Variants in KIF22 observed in about 807,000 individuals in gnomAD.
KIF22 encodes the protein kinesin family member 22, also known as kinesin-like protein KIF22.
In KIF22, 62 loss-of-function variants were observed where a neutral mutation model predicts 73.0. The observed-to-expected ratio is 0.85, with a 90% confidence interval of 0.69 to 1.05. The LOEUF (loss-of-function observed/expected upper bound fraction) is 1.05, where lower values mean the gene tolerates loss of function less well. Among genes scored for constraint, KIF22 ranks in the 50% least tolerant of loss-of-function variants. KIF22 has a pLI of 0.00. For missense variants in KIF22, 854 were observed against 870.1 expected (o/e 0.98, Z 0.23); for synonymous variants, 411 against 340.1 (o/e 1.21, Z -2.29).
rs143943794 is a variant in KIF22 at position 29,803,595 on chromosome 16, G to A, written c.1596G>A (p.Met532Ile). The change falls in exon 10 of 14, where the codon ATG (methionine) becomes ATA (isoleucine). Residue 532 changes from methionine to isoleucine, a missense_variant. Physicochemically the swap from Met to Ile is conservative, Grantham distance 10. Around this residue, in one of 3 missense-constraint regions of KIF22, gnomAD observed 423 missense variants for 365.4 expected, o/e 1.16. Coordinates refer to ENST00000160827, the MANE Select transcript of KIF22 (RefSeq NM_007317.3). ...AGCCCCTGAAAAAGGCTGTGGTGAT[G>A]CCCCTACAGCTAAGTAAGTTTGACT... ...GAKPLKKAVVMPLQLIQEQAA... is the reference protein window; with the variant it reads ...GAKPLKKAVVIPLQLIQEQAA... The A allele has an allele frequency of 4.4e-6, 7 of 1,608,014 alleles. No homozygotes were observed. The African/African-American group carries it at 9.4e-5, about 22-fold the overall frequency.
At chr16:29,803,038 A>C in intron 9 of KIF22, 101 bp downstream of exon 9, 1 of 1,202,050 alleles carries the variant, frequency 8.3e-7, no homozygotes, top group Non-Finnish European at 1.2e-6. Flanking sequence ...ACTAGAGTCC[A>C]GTTTTCTCCC....
chr16:29,794,196 A>G (rs1315192166), intron 1 of KIF22, among the ~76,000 whole-genome samples: 3 of 152,176 alleles, frequency 2.0e-5, no homozygotes, highest in African/African-American at 7.2e-5. Context: ...TTGGAGTTAG[A>G]TCTTCATTTG....
Position 29,799,906 on chromosome 16 carries a change from C to T in KIF22, c.1145-7C>T, listed in dbSNP as rs1169232033. ...CCCTCTCTCCACCCCATCCTCCAAT[C>T]ATCTAGCCTTGGGACCTGTTAAGCT... On this transcript the variant is annotated splice_polypyrimidine_tract_variant and splice_region_variant and intron_variant, in intron 7 of 13. Transcript: ENST00000160827. 9 of 1,613,756 alleles carry T rather than the reference C, an allele frequency of 5.6e-6. No homozygotes were observed. Among genetic ancestry groups the T allele is most frequent in the Admixed American group, 1.7e-5 (1 of 59,984 alleles).
In KIF22 at chr16:29,805,246, T is replaced by G; in HGVS notation, c.1951-17T>G. ...CCCCTCTCTAACGTCGCTGTCTCCC[T>G]CCCTCCTGTGTTGCAGGCAAACATC... On this transcript the variant is annotated splice_polypyrimidine_tract_variant and intron_variant, in intron 13 of 13. Transcript: ENST00000160827. 2 of 1,613,890 alleles carry G rather than the reference T, an allele frequency of 1.2e-6. No homozygotes were observed. The highest frequency in any genetic ancestry group is 1.7e-6 in the Non-Finnish European group (2 of 1,180,018).
rs764389481 is a variant in KIF22, at chr16:29,798,484, A to G, written c.377A>G (p.Tyr126Cys). The change falls in exon 3 of 14, where the codon TAT becomes TGT. Residue 126 changes from tyrosine to cysteine, a missense_variant. Tyr to Cys is a radical substitution (Grantham distance 194, BLOSUM62 -2). Transcript: ENST00000160827. The surrounding 1 kb of genome is among the most constrained non-coding windows in gnomAD (Gnocchi z 4.1). ...GGGCAGAATGCCAGTGTGCTTGCCT[A>G]TGGACCCACAGGAGCTGGTGAGGGA... Reference protein sequence around the residue: ...LEGQNASVLAYGPTGAGKTHT... With the variant: ...LEGQNASVLACGPTGAGKTHT... 11 of 1,614,050 alleles carry G rather than the reference A, an allele frequency of 6.8e-6. No homozygotes were observed. Among genetic ancestry groups the G allele is most frequent in the Admixed American group, 1.7e-5 (1 of 60,010 alleles).
Position 29,797,182 on chromosome 16 carries a change from CCTT to C in KIF22, c.266+95_266+97del. On this transcript the variant is annotated intron_variant, in intron 2 of 13. Transcript: ENST00000160827. The surrounding 1 kb of genome is among the most constrained non-coding windows in gnomAD (Gnocchi z 4.1). The stretch of plus-strand genomic sequence containing the variant: ...TGCCTCCCCAGGATCCTTGCTCCCT[CCTT>C]AGCACCGCTTTGTTCCCTGAGCCTT... The C allele has an allele frequency of 1.1e-6, 1 of 917,448 alleles. No individual in the cohort carries two copies. The highest frequency in any genetic ancestry group is 1.7e-6 in the Non-Finnish European group (1 of 604,530). The allele number at this position is 917,448 out of a possible 1,614,324, so 56.8% of individuals were successfully genotyped here.
At position 29,798,286 on chromosome 16, in the gene KIF22, T is replaced by TG; in HGVS notation, c.267-88_267-87insG. 6.7e-7 allele frequency: 1 copy of TG among 1,485,600 alleles called. No homozygotes were observed. The highest frequency in any genetic ancestry group is 9.1e-7 in the Non-Finnish European group (1 of 1,104,264). The allele number at this position is 1,485,600 out of a possible 1,614,324, so 92.0% of individuals were successfully genotyped here. The stretch of plus-strand genomic sequence containing the variant: ...AGGTCCAGATGAGAGTAGAATCCCT[T>TG]ACCCACCCCCACCCCACTCCACCCC... On this transcript the variant is annotated intron_variant, in intron 2 of 13. Coordinates refer to ENST00000160827, the MANE Select transcript of KIF22 (RefSeq NM_007317.3). The surrounding 1 kb of genome is among the most constrained non-coding windows in gnomAD (Gnocchi z 4.1).
intron 1 of KIF22, among the ~76,000 whole-genome samples, chr16:29,793,845 A>C (rs1036129149): frequency 6.6e-6 from 1 of 152,158 alleles, no homozygotes; most frequent in Non-Finnish European, 1.5e-5. Flanking sequence ...TAAGACAACC[A>C]GGAAGGTGGG....
In KIF22 at chr16:29,805,351, C is replaced by G; in HGVS notation, c.*41C>G. On this transcript the variant is annotated 3_prime_UTR_variant, in exon 14 of 14. Transcript: ENST00000160827. ...TCCGCCTTTTCAAATTTTTGTATAA[C>G]CCCGTGTTGTGTAAATACAGTTTTT... The G allele has an allele frequency of 1.3e-6, 2 of 1,594,844 alleles. No homozygotes were observed. Among genetic ancestry groups the G allele is most frequent in the Non-Finnish European group, 1.7e-6 (2 of 1,168,652 alleles).
intron 1 of KIF22, among the ~76,000 whole-genome samples, chr16:29,796,164 G>A (rs892525484): frequency 1.3e-5 from 2 of 151,128 alleles, no homozygotes; most frequent in African/African-American, 4.9e-5. Flanking sequence ...CCAGCTACTC[G>A]AGAGGCTGAG....
chr16:29,805,303 C>G lies in KIF22; in HGVS notation c.1991C>G (p.Ala664Gly), dbSNP rs772012520. The G allele has an allele frequency of 1.2e-6, 2 of 1,613,448 alleles. No homozygotes were observed. Among genetic ancestry groups the G allele is most frequent in the East Asian group, 2.2e-5 (1 of 44,886 alleles). The part of the protein sequence containing the change: ...LGLAAGQRCG[A>G]S Reference sequence around the variant, plus strand: ...CTCGCCGCCGGCCAGCGCTGTGGCGCCTCCTGACCGTCGTCTCCTCACTCC... The same window carrying G: ...CTCGCCGCCGGCCAGCGCTGTGGCGGCTCCTGACCGTCGTCTCCTCACTCC... The change falls in exon 14 of 14, where the codon GCC becomes GGC. Residue 664 changes from alanine to glycine, a missense_variant. This residue lies in a region of KIF22 where 423 missense variants were observed against 365.4 expected (regional missense o/e 1.16). Coordinates refer to ENST00000160827, the MANE Select transcript of KIF22 (RefSeq NM_007317.3).
In KIF22 at chr16:29,805,003, G is replaced by A. The variant is rs1899311361; in HGVS notation, c.1867G>A (p.Glu623Lys). The A allele has an allele frequency of 6.2e-7, 1 of 1,609,554 alleles. No homozygotes were observed. Among genetic ancestry groups the A allele is most frequent in the East Asian group, 2.2e-5 (1 of 44,776 alleles). The change falls in exon 12 of 14, where the codon GAG (glutamate) becomes AAG (lysine). Residue 623 changes from glutamate (E) to lysine (K), a missense_variant. By Grantham distance (56) the Glu-to-Lys change is moderately conservative. This residue lies in a region of KIF22 where 423 missense variants were observed against 365.4 expected (regional missense o/e 1.16). Coordinates refer to ENST00000160827, the MANE Select transcript of KIF22 (RefSeq NM_007317.3). The part of the protein sequence containing the change: ...KKAQLIVGWR[E>K]LHGPFSQVED... ...GGCCCAGCTAATCGTGGGCTGGCGG[G>A]AGCTCCACGGCCCCTTCAGCCAGGT...
At position 29,803,906 on chromosome 16, in the gene KIF22, C is replaced by CT. The variant is rs1366503850; in HGVS notation, c.1610-91dup. On this transcript the variant is annotated intron_variant, in intron 10 of 13. Transcript: ENST00000160827. ...CAGGTTAACTCTGGATGGAGGGGAG[C>CT]TGGGGAATCAGAAATGGAAGAATCG... 4.1e-6 allele frequency: 4 copies of CT among 977,216 alleles called. No individual in the cohort carries two copies. The African/African-American group carries it at 6.4e-5, about 16-fold the overall frequency. The allele number at this position is 977,216 out of a possible 1,614,324, so 60.5% of individuals were successfully genotyped here.
chr16:29,804,685 T>C, intron 11 of KIF22, 129 bp from the exon 12 acceptor site: 1 of 763,118 alleles, frequency 1.3e-6, no homozygotes, highest in East Asian at 2.7e-5. Flanking sequence ...GGCGGGATTT[T>C]GGACACACTT....
chr16:29,799,759 C>A lies in KIF22; in HGVS notation c.1122C>A (p.Thr374=). The A allele has an allele frequency of 6.2e-7, 1 of 1,613,340 alleles. No individual in the cohort carries two copies. The highest frequency in any genetic ancestry group is 8.5e-7 in the Non-Finnish European group (1 of 1,179,630). The change falls in exon 7 of 14, where the codon ACC becomes ACA. Residue 374 remains threonine, a synonymous_variant. Transcript: ENST00000160827. ...AGGAGGTGATCAATCGGCCTTTTAC[C>A]AATGAGAGCCTGCAGCCTCATGGTG... is the stretch of plus-strand genomic sequence containing the variant. ...RSKEVINRPF[T]NESLQPHALG...
chr16:29,805,194 C>T lies in KIF22; in HGVS notation c.1950+20C>T, dbSNP rs891642561. Reference sequence around the variant, plus strand: ...CTGAAGGTGAAGTCACGGCCCTGCCCCTCCTCTGCCTGTCCTGCGCCCCGC... The same window carrying T: ...CTGAAGGTGAAGTCACGGCCCTGCCTCTCCTCTGCCTGTCCTGCGCCCCGC... On this transcript the variant is annotated intron_variant, in intron 13 of 13. Coordinates refer to ENST00000160827, the MANE Select transcript of KIF22 (RefSeq NM_007317.3). The T allele has an allele frequency of 1.2e-6, 2 of 1,614,150 alleles. No individual in the cohort carries two copies. Among genetic ancestry groups the T allele is most frequent in the Non-Finnish European group, 1.7e-6 (2 of 1,180,000 alleles).
rs546555369 is a variant in KIF22, at chr16:29,798,293, C to G, written c.267-81C>G. ...GATGAGAGTAGAATCCCTTACCCAC[C>G]CCCACCCCACTCCACCCCTTACACA... On this transcript the variant is annotated intron_variant, in intron 2 of 13. Transcript: ENST00000160827. This position sits in a 1 kb window ranked among gnomAD's most constrained non-coding sequence, Gnocchi z 4.1. 3 of 1,321,394 alleles carry G rather than the reference C, an allele frequency of 2.3e-6. No homozygotes were observed. In the East Asian group the frequency reaches 1.0e-4, roughly 45 times the overall value. The allele number at this position is 1,321,394 out of a possible 1,614,324, so 81.9% of individuals were successfully genotyped here.
Position 29,793,359 on chromosome 16 carries a change from G to T in KIF22, c.70+2530G>T, listed in dbSNP as rs765342886. On this transcript the variant is annotated intron_variant, in intron 1 of 13. Coordinates refer to ENST00000160827, the MANE Select transcript of KIF22 (RefSeq NM_007317.3). ...GGAGGCTGAGGCAGGAGAATCGCTT[G>T]AACCGGGAGGCGGAGATTGCAGTGA... Among the ~76,000 whole-genome samples, 3 of 152,182 alleles carry T rather than the reference G, an allele frequency of 2.0e-5. No individual in the cohort carries two copies. The South Asian group carries it at 6.2e-4, about 31-fold the overall frequency.
intron 7 of KIF22, 25 bp downstream of exon 7, chr16:29,799,806 G>A (rs1899071979): frequency 6.2e-7 from 1 of 1,613,466 alleles, no homozygotes; most frequent in South Asian, 1.1e-5. Flanking sequence ...AGGCAGGAGT[G>A]GAAACGCTGG....
Sources: allele counts gnomAD v4.1 joint callset (sites outside exome capture counted in the v4.1 genomes callset), GRCh38; gene constraint gnomAD v4.1.1; regional missense constraint gnomAD v4.1.1; non-coding constraint Gnocchi (gnomAD v3.1); transcripts MANE v1.5; gene names NCBI Gene and HGNC (gene_info 2026-07-23, HGNC 2026-07-21).